The following UPK1B variants were observed in gnomAD, a reference collection of about 807,000 sequenced individuals.
UPK1B encodes the protein uroplakin 1B.
In UPK1B, 28 loss-of-function variants were observed where a neutral mutation model predicts 34.2. The ratio of observed to expected loss-of-function variants is 0.82; its 90% CI spans 0.61 to 1.12. UPK1B has a LOEUF of 1.12. Ranked by LOEUF, UPK1B falls within the 50% of genes most tolerant of loss-of-function variation. UPK1B has a pLI of 0.00. For synonymous variants in UPK1B, 81 were observed against 110.4 expected (o/e 0.73, Z 1.67); for missense variants, 325 against 320.9 (o/e 1.01, Z -0.10).
chr3:119,186,841 G>A, intron 2 of UPK1B, 31 bp downstream of exon 2: 1 of 1,600,170 alleles, frequency 6.2e-7, no homozygotes, highest in Non-Finnish European at 8.6e-7. Context: ...AGGAAATTCT[G>A]CACTTCCTGT....
chr3:119,182,634 G>C (rs1297591581), intron 1 of UPK1B, among the ~76,000 whole-genome samples: 1 of 152,200 alleles, frequency 6.6e-6, no homozygotes, highest in Non-Finnish European at 1.5e-5. Context: ...CTGGCATTCT[G>C]ATGCCAAGTC....
At chr3:119,186,872 C>A in intron 2 of UPK1B, 62 bp downstream of exon 2, 1 of 1,552,406 alleles carries the variant, frequency 6.4e-7, no homozygotes, top group South Asian at 1.1e-5. Context: ...CTAGATGAAT[C>A]AAAAGTAAGA....
Position 119,204,005 on chromosome 3 carries a change from AC to A in UPK1B, c.*39del, listed in dbSNP as rs1345249883. The stretch of plus-strand genomic sequence containing the variant: ...GCCACCATACCTCCTTCCCCGAGTG[AC>A]TCTGGATTTGGTGCTGGAACCAGCT... On this transcript the variant is annotated 3_prime_UTR_variant, in exon 8 of 8. Transcript: ENST00000264234. 1 of 1,609,442 alleles carries A rather than the reference AC, an allele frequency of 6.2e-7. No individual in the cohort carries two copies. Among genetic ancestry groups the A allele is most frequent in the African/African-American group, 1.3e-5 (1 of 74,828 alleles).
At chr3:119,194,548 A>G in intron 6 of UPK1B, 150 bp downstream of exon 6, 1 of 790,256 alleles carries the variant, frequency 1.3e-6, no homozygotes, top group Non-Finnish European at 1.9e-6. Context: ...CTCTGTTAAT[A>G]AACTGCAAAT....
At chr3:119,192,703 T>C (rs1157179287) in intron 5 of UPK1B, among the ~76,000 whole-genome samples, 4 of 152,196 alleles carry the variant, frequency 2.6e-5, no homozygotes, top group Non-Finnish European at 1.5e-5. Flanking sequence ...TCTTGTTATG[T>C]CACACAGGCT....
chr3:119,187,755 C>G lies in UPK1B; in HGVS notation c.70-20C>G. 1 of 1,613,258 alleles carries G rather than the reference C, an allele frequency of 6.2e-7. No homozygotes were observed. The highest frequency in any genetic ancestry group is 8.5e-7 in the Non-Finnish European group (1 of 1,179,714). On this transcript the variant is annotated intron_variant, in intron 2 of 7. Transcript: ENST00000264234. ...CCAAAGCTGCACTCCTGATGGAGCCCACCTTTCATTTGCCCCCAGTGTTGC... is the reference window on the plus strand; with the variant it reads ...CCAAAGCTGCACTCCTGATGGAGCCGACCTTTCATTTGCCCCCAGTGTTGC...
In UPK1B at chr3:119,187,906, C is replaced by G. The variant is rs1351904366; in HGVS notation, c.201C>G (p.Ile67Met). The G allele has an allele frequency of 1.9e-6, 3 of 1,614,032 alleles. No individual in the cohort carries two copies. Among genetic ancestry groups the G allele is most frequent in the Non-Finnish European group, 1.7e-6 (2 of 1,180,030 alleles). ...CCTGGATCGGCATATTTGTGGGCAT[C>G]TGCCTCTTCTGCCTGTCTGTTCTAG... ...GAAWIGIFVGICLFCLSVLGI... is the reference protein window; with the variant it reads ...GAAWIGIFVGMCLFCLSVLGI... Residue 67 changes from isoleucine (I) to methionine (M), a missense_variant, in exon 3 of 8, where the codon ATC (isoleucine) becomes ATG (methionine). Ile to Met is a conservative substitution (Grantham distance 10). Transcript: ENST00000264234.
intron 1 of UPK1B, among the ~76,000 whole-genome samples, chr3:119,174,589 T>A (rs2077944124): frequency 6.6e-6 from 1 of 152,110 alleles, no homozygotes; most frequent in Admixed American, 6.6e-5. Context: ...CTAAAAAAAA[T>A]AAAAATAAAT....
chr3:119,185,743 AT>A (rs2078015017), intron 1 of UPK1B, among the ~76,000 whole-genome samples: 1 of 152,200 alleles, frequency 6.6e-6, no homozygotes, highest in East Asian at 1.9e-4. Flanking sequence ...GCATGAATTG[AT>A]TAATTAAATG....
At chr3:119,186,914 C>A in intron 2 of UPK1B, 104 bp downstream of exon 2, 2 of 1,195,704 alleles carry the variant, frequency 1.7e-6, no homozygotes, top group South Asian at 1.5e-5. Context: ...TGATTACTGG[C>A]TTCCTATATT....
intron 6 of UPK1B, 47 bp from the exon 7 acceptor site, chr3:119,199,010 G>C: frequency 6.2e-7 from 1 of 1,605,354 alleles, no homozygotes; most frequent in Non-Finnish European, 8.5e-7. Flanking sequence ...TCTCTTCTCT[G>C]CTTTCTGGTT....
At chr3:119,184,680 C>T (rs1285203551) in intron 1 of UPK1B, among the ~76,000 whole-genome samples, 1 of 151,928 alleles carries the variant, frequency 6.6e-6, no homozygotes, top group South Asian at 2.1e-4. Context: ...GAGCCAAGAT[C>T]GTGCCACTGC....
chr3:119,193,760 AT>A (rs2078053705), intron 5 of UPK1B, among the ~76,000 whole-genome samples: 1 of 152,188 alleles, frequency 6.6e-6, no homozygotes, highest in African/African-American at 2.4e-5. Context: ...TTGCTCTGAT[AT>A]ATCAGAATAA....
chr3:119,194,395 T>A lies in UPK1B; in HGVS notation c.645T>A (p.Asn215Lys), dbSNP rs143488015. The A allele has an allele frequency of 6.2e-7, 1 of 1,607,026 alleles. No individual in the cohort carries two copies. Among genetic ancestry groups the A allele is most frequent in the Non-Finnish European group, 8.5e-7 (1 of 1,178,146 alleles). The change falls in exon 6 of 8, where the codon AAT (asparagine) becomes AAA (lysine). Residue 215 changes from asparagine to lysine, a missense_variant. Coordinates refer to ENST00000264234, the MANE Select transcript of UPK1B (RefSeq NM_006952.4). Reference protein sequence around the residue: ...CKLGVPGFYHNQGCYELISGP... With the variant: ...CKLGVPGFYHKQGCYELISGP... ...TAGGCGTGCCTGGTTTTTATCACAA[T>A]CAGGTGAGTCCTCTCTCCTCCCAAG...
intron 1 of UPK1B, among the ~76,000 whole-genome samples, chr3:119,181,010 C>T (rs956164493): frequency 2.0e-5 from 3 of 152,200 alleles, no homozygotes; most frequent in Non-Finnish European, 4.4e-5. Context: ...TCAGCTTACA[C>T]GTTGTGACCA....
chr3:119,192,178 T>C (rs1380618432), intron 5 of UPK1B, among the ~76,000 whole-genome samples: 1 of 152,218 alleles, frequency 6.6e-6, no homozygotes, highest in Non-Finnish European at 1.5e-5. Flanking sequence ...TTTATTCTAA[T>C]ATCTCAATTC....
chr3:119,195,337 G>T (rs1185720971), intron 6 of UPK1B, among the ~76,000 whole-genome samples: 1 of 152,208 alleles, frequency 6.6e-6, no homozygotes, highest in Admixed American at 6.5e-5. Context: ...AAAGCTAGTT[G>T]TGTACCAGCT....
intron 4 of UPK1B, among the ~76,000 whole-genome samples, chr3:119,190,649 G>C (rs1270891919): frequency 6.6e-6 from 1 of 152,176 alleles, no homozygotes; most frequent in Non-Finnish European, 1.5e-5. Flanking sequence ...CATGGCCATG[G>C]GCCTTCCAAT....
chr3:119,202,063 G>A (rs1324370224), intron 7 of UPK1B, among the ~76,000 whole-genome samples: 1 of 152,130 alleles, frequency 6.6e-6, no homozygotes, highest in Non-Finnish European at 1.5e-5. Flanking sequence ...ATTCAAAAGA[G>A]GGAAGGGAAG....
Sources: gnomAD v4.1 joint callset for allele counts (sites outside exome capture counted in the v4.1 genomes callset) on GRCh38, gnomAD v4.1.1 for gene constraint, MANE v1.5 for transcripts, NCBI Gene and HGNC (gene_info 2026-07-23, HGNC 2026-07-21) for gene names.